The following FBRSL1 variants were observed in gnomAD, a reference collection of about 807,000 sequenced individuals.
FBRSL1 encodes the protein fibrosin like 1, also known as fibrosin-1-like protein.
FBRSL1 carries 51 observed loss-of-function variants against 89.6 expected under a neutral mutation model. That is an observed-to-expected ratio of 0.57 (90% CI 0.45 to 0.72). FBRSL1 has a LOEUF of 0.72. Ranked by LOEUF, FBRSL1 falls within the 30% of genes least tolerant of loss-of-function variation. The probability of loss-of-function intolerance (pLI) is 0.00; values close to 1 mark genes in which losing one functional copy is unlikely to be tolerated. For missense variants in FBRSL1, 1,618 were observed against 1,451.8 expected (o/e 1.11, Z -1.86); for synonymous variants, 779 against 681.1 (o/e 1.14, Z -2.24).
In FBRSL1 at chr12:132,574,507, G is replaced by C; in HGVS notation, c.1644G>C (p.Trp548Cys). The change falls in exon 14 of 19, where the codon TGG (tryptophan) becomes TGC (cysteine). Residue 548 changes from tryptophan to cysteine, a missense_variant. Physicochemically the swap from Trp to Cys is radical, Grantham distance 215. Transcript: ENST00000680143. ...YRAVVKKPGR[W>C]CAVHVQIAWQ... is the part of the protein sequence containing the mutation. ...TCCTGTCGCAGAAGCCGGGGAGGTG[G>C]TGTGCCGTGCACGTGCAGATCGCCT... is the stretch of plus-strand genomic sequence containing the variant. 1 of 1,550,244 alleles carries C rather than the reference G, an allele frequency of 6.5e-7. No individual in the cohort carries two copies. The highest frequency in any genetic ancestry group is 8.7e-7 in the Non-Finnish European group (1 of 1,146,812).
At position 132,583,610 on chromosome 12, in the gene FBRSL1, G is replaced by A. The variant is rs1454880145; in HGVS notation, c.2841G>A (p.Pro947=). ...ACAATGGGCTCCTGGCGCGGACCCCGCCCGCCGCCGCCGCCCTCGGCGCAC... is the reference window on the plus strand; with the variant it reads ...ACAATGGGCTCCTGGCGCGGACCCCACCCGCCGCCGCCGCCCTCGGCGCAC... ...ALHNGLLART[P]PAAAALGAPP... The change falls in exon 19 of 19, where the codon CCG becomes CCA. Residue 947 remains proline, a synonymous_variant. Transcript: ENST00000680143. 8.1e-6 allele frequency: 8 copies of A among 991,230 alleles called. No homozygotes were observed. The highest frequency in any genetic ancestry group is 9.6e-6 in the Non-Finnish European group (8 of 835,204). The allele number at this position is 991,230 out of a possible 1,614,324, so 61.4% of individuals were successfully genotyped here. A position where few individuals can be genotyped will look rare whatever the true frequency, so the allele number is the denominator to read the frequency against.
chr12:132,581,323 A>G lies in FBRSL1; in HGVS notation c.1835-116A>G, dbSNP rs1042528832. ...CGCTTCACCCCTCAGGGCATGCGAGAGAATGGGAGGTGAAGGTTCACAGAG... is the reference window on the plus strand; with the variant it reads ...CGCTTCACCCCTCAGGGCATGCGAGGGAATGGGAGGTGAAGGTTCACAGAG... On this transcript the variant is annotated intron_variant, in intron 15 of 18. Coordinates refer to ENST00000680143, the MANE Select transcript of FBRSL1 (RefSeq NM_001367871.1). 9 of 1,539,788 alleles carry G rather than the reference A, an allele frequency of 5.8e-6. No individual in the cohort carries two copies. The Admixed American group carries it at 1.8e-4, about 31-fold the overall frequency.
At chr12:132,543,118 C>A (rs2037404003) in intron 4 of FBRSL1, among the ~76,000 whole-genome samples, 3 of 152,146 alleles carry the variant, frequency 2.0e-5, no homozygotes, top group African/African-American at 7.2e-5. Context: ...GGGTTGGTGG[C>A]AGTGGTGGTG....
Position 132,551,827 on chromosome 12 carries a change from T to C in FBRSL1, c.645+3795T>C, listed in dbSNP as rs964707256. On this transcript the variant is annotated intron_variant, in intron 5 of 18. Transcript: ENST00000680143. ...GTCTTCGGTTTGTGTCTAACCACTT[T>C]TTCCTTGGAAAAGTGTGGGGTGAAG... The C allele has an allele frequency of 8.1e-5, 28 of 343,884 alleles. 1 individual carries two copies. Among genetic ancestry groups the C allele is most frequent in the South Asian group, 4.8e-4 (22 of 46,312 alleles). The allele number at this position is 343,884 out of a possible 1,614,324, so 21.3% of individuals were successfully genotyped here. A position where few individuals can be genotyped will look rare whatever the true frequency, so the allele number is the denominator to read the frequency against.
At chr12:132,536,243 T>G (rs2036730030) in intron 4 of FBRSL1, among the ~76,000 whole-genome samples, 2 of 151,336 alleles carry the variant, frequency 1.3e-5, no homozygotes, top group Non-Finnish European at 2.9e-5. Context: ...TGAGTGCACA[T>G]GTACATGACC....
At chr12:132,547,919 C>T (rs2037835300) in intron 4 of FBRSL1, 84 bp from the exon 5 acceptor site, 2 of 1,470,410 alleles carry the variant, frequency 1.4e-6, no homozygotes, top group Non-Finnish European at 1.9e-6. Flanking sequence ...CACCCGTGCC[C>T]CTGCAGCCTG....
chr12:132,518,105 G>A (rs1200348357), intron 2 of FBRSL1, among the ~76,000 whole-genome samples: 1 of 152,134 alleles, frequency 6.6e-6, no homozygotes, highest in East Asian at 1.9e-4. Context: ...GGGCCTTGCA[G>A]ACACTTACCT....
At chr12:132,569,261 C>T (rs961952890) in intron 6 of FBRSL1, among the ~76,000 whole-genome samples, 30 of 146,566 alleles carry the variant, frequency 2.0e-4, no homozygotes, top group African/African-American at 6.3e-4. Flanking sequence ...ACAGGACCTG[C>T]GGGGGACGTG....
chr12:132,500,928 G>A (rs900704688), intron 1 of FBRSL1, among the ~76,000 whole-genome samples: 5 of 152,172 alleles, frequency 3.3e-5, no homozygotes, highest in African/African-American at 9.7e-5. Flanking sequence ...GGCTGTCCTC[G>A]GCCAGACCCT....
rs754150122 is a variant in FBRSL1, at chr12:132,581,726, C to G, written c.1913-15C>G. ...ACGCCTCACAGACCTCTGGGTCCCGCGGTTGCCCCCACAGACCCTTTCAGC... is the reference window on the plus strand; with the variant it reads ...ACGCCTCACAGACCTCTGGGTCCCGGGGTTGCCCCCACAGACCCTTTCAGC... On this transcript the variant is annotated splice_polypyrimidine_tract_variant and intron_variant, in intron 16 of 18. Transcript: ENST00000680143. The G allele has an allele frequency of 3.2e-6, 5 of 1,549,838 alleles. No homozygotes were observed. The Admixed American group carries it at 7.8e-5, about 24-fold the overall frequency.
At chr12:132,574,588 G>C (rs746706811) in intron 14 of FBRSL1, 24 bp downstream of exon 14, 6 of 1,544,768 alleles carry the variant, frequency 3.9e-6, no homozygotes, top group Middle Eastern at 1.7e-4. Context: ...GGCTGGGGCA[G>C]GGCGCTTGTG....
Position 132,570,377 on chromosome 12 carries a change from GCTGTCGCCACACGGGCCGGGCCCCCAC to G in FBRSL1, c.1056_1082del (p.Pro353_Ser361del), listed in dbSNP as rs1434181238. 2.6e-6 allele frequency: 4 copies of G among 1,533,586 alleles called. No individual in the cohort carries two copies. The highest frequency in any genetic ancestry group is 3.5e-6 in the Non-Finnish European group (4 of 1,145,380). The allele number at this position is 1,533,586 out of a possible 1,614,324, so 95.0% of individuals were successfully genotyped here. On this transcript the variant is annotated inframe_deletion, in exon 8 of 19. Coordinates refer to ENST00000680143, the MANE Select transcript of FBRSL1 (RefSeq NM_001367871.1). The stretch of plus-strand genomic sequence containing the variant: ...CCCTGGGCCTGGGGAAGCACGTGTC[GCTGTCGCCACACGGGCCGGGCCCCCAC>G]CTGTCTACCTCACACCTGGCGCTCC...
At chr12:132,545,084 G>A (rs550986121) in intron 4 of FBRSL1, among the ~76,000 whole-genome samples, 3 of 151,268 alleles carry the variant, frequency 2.0e-5, no homozygotes, top group Non-Finnish European at 2.9e-5. Context: ...CGTGCGGCAC[G>A]GAGCTCAGGG....
chr12:132,582,466 C>T (rs1245127209), intron 18 of FBRSL1, among the ~76,000 whole-genome samples, 200 bp downstream of exon 18: 2 of 150,612 alleles, frequency 1.3e-5, no homozygotes, highest in Non-Finnish European at 3.0e-5. Context: ...GCTGCGCACT[C>T]ACAGTCTGTC....
At chr12:132,573,008 C>CGTA (rs986800417) in intron 11 of FBRSL1, among the ~76,000 whole-genome samples, 1 of 152,168 alleles carries the variant, frequency 6.6e-6, no homozygotes, top group African/African-American at 2.4e-5. Flanking sequence ...GAGGTTCTTA[C>CGTA]GGGGCCGTCC....
intron 18 of FBRSL1, 125 bp from the exon 19 acceptor site, chr12:132,582,846 G>A (rs538905948): frequency 1.4e-6 from 1 of 697,720 alleles, no homozygotes; most frequent in South Asian, 3.1e-5. Context: ...GGGAGCTGTG[G>A]GTGCTGAGGG....
chr12:132,547,950 G>C (rs2037838766), intron 4 of FBRSL1, 53 bp from the exon 5 acceptor site: 4 of 1,546,260 alleles, frequency 2.6e-6, no homozygotes, highest in Non-Finnish European at 3.5e-6. Context: ...TGCCCCGGGG[G>C]GTGACACTGG....
Position 132,499,405 on chromosome 12 carries a change from C to T in FBRSL1, c.291+8544C>T, listed in dbSNP as rs562658103. ...AGGGTTCTGAGCTGTTCTGCTTTCC[C>T]TGACAGACTTTATAAGCATTTATTG... On this transcript the variant is annotated intron_variant, in intron 1 of 18. Coordinates refer to ENST00000680143, the MANE Select transcript of FBRSL1 (RefSeq NM_001367871.1). The surrounding 1 kb of genome is among the most constrained non-coding windows in gnomAD (Gnocchi z 4.3). 2.6e-4 allele frequency among the ~76,000 whole-genome samples: 39 copies of T among 152,338 alleles called. 1 individual carries two copies. In the South Asian group the frequency reaches 7.9e-3, roughly 31 times the overall value.
Position 132,583,466 on chromosome 12 carries a change from C to T in FBRSL1, c.2697C>T (p.Arg899=), listed in dbSNP as rs1239722415. 2.8e-6 allele frequency: 3 copies of T among 1,059,444 alleles called. No individual in the cohort carries two copies. Among genetic ancestry groups the T allele is most frequent in the Admixed American group, 1.2e-4 (2 of 17,246 alleles). 65.6% of individuals were successfully genotyped at this position (1,059,444 alleles called of 1,614,324 possible). The change falls in exon 19 of 19, where the codon CGC becomes CGT. Residue 899 remains arginine (R), a synonymous_variant. Transcript: ENST00000680143. ...ACGGCTACAGCCCCGAGCGCCTGCG[C>T]GGGGAGCTGGAGCGCGCGCGGGCCC... The part of the protein sequence containing the change: ...EPHGYSPERL[R]GELERARAPH...
Sources: gnomAD v4.1 joint callset for allele counts (sites outside exome capture counted in the v4.1 genomes callset) on GRCh38, gnomAD v4.1.1 for gene constraint, Gnocchi (gnomAD v3.1) non-coding constraint, MANE v1.5 for transcripts, NCBI Gene and HGNC (gene_info 2026-07-23, HGNC 2026-07-21) for gene names.